The following FANK1 variants were observed in gnomAD, a reference collection of about 807,000 sequenced individuals.
FANK1 encodes the protein fibronectin type III and ankyrin repeat domains 1.
Under a neutral mutation model 45.3 loss-of-function variants are expected in FANK1, and 44 were observed. That is an observed-to-expected ratio of 0.97 (90% CI 0.76 to 1.25). The LOEUF (loss-of-function observed/expected upper bound fraction) is 1.25. Among genes scored for constraint, FANK1 ranks in the 50% most tolerant of loss-of-function variants. FANK1 has a pLI of 0.00. For synonymous variants in FANK1, 149 were observed against 152.5 expected (o/e 0.98, Z 0.17); for missense variants, 391 against 424.4 (o/e 0.92, Z 0.69).
chr10:125,998,571 T>G (rs1360188608), intron 6 of FANK1, among the ~76,000 whole-genome samples: 1 of 151,940 alleles, frequency 6.6e-6, no homozygotes, highest in Non-Finnish European at 1.5e-5. Flanking sequence ...TATTGAGAAA[T>G]GAGAGTTGCC....
At position 125,983,470 on chromosome 10, in the gene FANK1, A is replaced by C. The variant is rs2138277; in HGVS notation, c.191+3132A>C. ...ACATAAGTAAAAATAGGTAGTCAGCAGGCAATACATACTGAGGGGCAGCAG... is the reference window on the plus strand; with the variant it reads ...ACATAAGTAAAAATAGGTAGTCAGCCGGCAATACATACTGAGGGGCAGCAG... On this transcript the variant is annotated intron_variant, in intron 2 of 10. Coordinates refer to ENST00000368693, the MANE Select transcript of FANK1 (RefSeq NM_145235.5). This position sits in a 1 kb window ranked among gnomAD's most constrained non-coding sequence, Gnocchi z 4.3. Among the ~76,000 whole-genome samples the C allele has an allele frequency of 0.37, 56,149 of 152,028 alleles. 10,670 individuals carry two copies. Among genetic ancestry groups the C allele is most frequent in the South Asian group, 0.46 (2,203 of 4,808 alleles).
intron 1 of FANK1, among the ~76,000 whole-genome samples, chr10:125,915,806 C>T (rs540728319): frequency 6.6e-6 from 1 of 152,266 alleles, no homozygotes; most frequent in Non-Finnish European, 1.5e-5. Context: ...GGAGGGAGAT[C>T]CTATCTCAAA....
At chr10:125,911,190 A>G (rs7100180) in intron 1 of FANK1, among the ~76,000 whole-genome samples, 4,261 of 152,242 alleles carry the variant, frequency 0.028, 199 homozygotes, top group African/African-American at 0.095. Context: ...AAGCGTCCTT[A>G]TAAGTGGGAA....
chr10:125,989,317 G>T (rs564013437), intron 3 of FANK1: 25 of 1,550,834 alleles, frequency 1.6e-5, no homozygotes, highest in Admixed American at 3.9e-5. Flanking sequence ...AAATTAGGAT[G>T]GTCACAAGTG....
intron 6 of FANK1, among the ~76,000 whole-genome samples, chr10:126,001,495 C>T (rs1046659950): frequency 6.6e-6 from 1 of 152,174 alleles, no homozygotes; most frequent in Non-Finnish European, 1.5e-5. Context: ...GGAGCGGGTC[C>T]TCCATTTCTG....
intron 1 of FANK1, among the ~76,000 whole-genome samples, chr10:125,917,243 G>A (rs570457336): frequency 3.9e-5 from 6 of 152,272 alleles, no homozygotes; most frequent in Admixed American, 1.3e-4. Context: ...TTGAATCAGC[G>A]GAAGAAGGAA....
intron 1 of FANK1, among the ~76,000 whole-genome samples, chr10:125,937,690 A>G (rs566499593): frequency 6.6e-6 from 1 of 152,200 alleles, no homozygotes; most frequent in Non-Finnish European, 1.5e-5. Flanking sequence ...TGCAAAAGGT[A>G]TAGCTAGAAT....
chr10:126,006,156 T>C (rs12249436), intron 7 of FANK1, among the ~76,000 whole-genome samples: 5,792 of 152,244 alleles, frequency 0.038, 386 homozygotes, highest in African/African-American at 0.13. Context: ...AGAAATTAAG[T>C]CGATGACCTG....
intron 8 of FANK1, 102 bp downstream of exon 8, chr10:126,008,652 C>T: frequency 7.2e-7 from 1 of 1,384,488 alleles, no homozygotes. Context: ...TGCACCAGCC[C>T]TTGGGTTTGA....
chr10:126,006,172 T>C (rs1029542142), intron 7 of FANK1, among the ~76,000 whole-genome samples: 6 of 152,162 alleles, frequency 3.9e-5, no homozygotes, highest in African/African-American at 1.4e-4. Context: ...ACCTGGAAAA[T>C]CAACTCAAAT....
At chr10:125,933,567 C>G (rs1178884065) in intron 1 of FANK1, among the ~76,000 whole-genome samples, 1 of 152,034 alleles carries the variant, frequency 6.6e-6, no homozygotes, top group Non-Finnish European at 1.5e-5. Flanking sequence ...TTTTATTTAT[C>G]TTTTCAAAGA....
At chr10:125,967,346 G>C (rs1005772025) in intron 1 of FANK1, among the ~76,000 whole-genome samples, 1 of 152,122 alleles carries the variant, frequency 6.6e-6, no homozygotes, top group African/African-American at 2.4e-5. Context: ...CAGTCTTACA[G>C]GTAAAAGGTA....
At chr10:126,002,587 C>T (rs1254511967) in intron 6 of FANK1, among the ~76,000 whole-genome samples, 2 of 152,134 alleles carry the variant, frequency 1.3e-5, no homozygotes, top group Non-Finnish European at 1.5e-5. Context: ...CTGGATATTC[C>T]AGTTATCACT....
intron 7 of FANK1, among the ~76,000 whole-genome samples, chr10:126,006,340 T>C (rs984194537): frequency 6.6e-6 from 1 of 152,230 alleles, no homozygotes; most frequent in Admixed American, 6.5e-5. Context: ...AGGAAAAATC[T>C]CAGTCATTAA....
chr10:125,915,172 C>CCA (rs1413031977), intron 1 of FANK1, among the ~76,000 whole-genome samples: 1 of 152,164 alleles, frequency 6.6e-6, no homozygotes, highest in Non-Finnish European at 1.5e-5. Context: ...TTTCCACAGG[C>CCA]CACACTTTGA....
intron 1 of FANK1, among the ~76,000 whole-genome samples, chr10:125,936,832 C>A (rs960241574): frequency 2.0e-5 from 3 of 152,076 alleles, no homozygotes; most frequent in African/African-American, 4.8e-5. Flanking sequence ...CTTAGGGAGG[C>A]TGAGGTGGGT....
intron 1 of FANK1, among the ~76,000 whole-genome samples, chr10:125,934,778 A>G (rs1034744484): frequency 1.7e-5 from 2 of 114,464 alleles, no homozygotes; most frequent in African/African-American, 6.8e-5. Flanking sequence ...CACGAAGAGA[A>G]AGACAGTTGG....
chr10:125,911,904 AAGG>A (rs1384576886), intron 1 of FANK1, among the ~76,000 whole-genome samples: 3 of 152,168 alleles, frequency 2.0e-5, no homozygotes, highest in South Asian at 2.1e-4. Flanking sequence ...CCCTGCACAG[AAGG>A]AGGAGATGAT....
chr10:125,903,700 T>G (rs1945245437), intron 1 of FANK1, among the ~76,000 whole-genome samples: 1 of 151,240 alleles, frequency 6.6e-6, no homozygotes, highest in Non-Finnish European at 1.5e-5. Flanking sequence ...TTAATTTAAA[T>G]AAACATATTC....
Sources: allele counts gnomAD v4.1 joint callset (sites outside exome capture counted in the v4.1 genomes callset), GRCh38; gene constraint gnomAD v4.1.1; non-coding constraint Gnocchi (gnomAD v3.1); transcripts MANE v1.5; gene names NCBI Gene and HGNC (gene_info 2026-07-23, HGNC 2026-07-21).